The following SHISA6 variants were observed in gnomAD, a reference collection of about 807,000 sequenced individuals.
SHISA6 encodes protein shisa-6.
Under a neutral mutation model 47.9 loss-of-function variants are expected in SHISA6, and 22 were observed. The ratio of observed to expected loss-of-function variants is 0.46; its 90% CI spans 0.33 to 0.66. SHISA6 has a LOEUF of 0.66. Ranked by LOEUF, SHISA6 falls within the 30% of genes least tolerant of loss-of-function variation. The pLI is 0.02. For missense variants in SHISA6, 680 were observed against 764.6 expected (o/e 0.89, Z 1.30); for synonymous variants, 388 against 337.8 (o/e 1.15, Z -1.63).
chr17:11,503,267 GC>G (rs2071470381), intron 3 of SHISA6, among the ~76,000 whole-genome samples: 2 of 152,298 alleles, frequency 1.3e-5, no homozygotes, highest in South Asian at 4.1e-4. Flanking sequence ...TTCTTACCAT[GC>G]AGAGGTGACG....
intron 2 of SHISA6, among the ~76,000 whole-genome samples, chr17:11,307,296 A>G (rs1827666643): frequency 6.6e-6 from 1 of 152,038 alleles, no homozygotes; most frequent in Admixed American, 6.6e-5. Context: ...TGCTTACACA[A>G]CTATCTGAGT....
chr17:11,487,403 TA>T, intron 3 of SHISA6, among the ~76,000 whole-genome samples: 1 of 152,340 alleles, frequency 6.6e-6, no homozygotes, highest in Middle Eastern at 3.4e-3. Context: ...ACTTTCACAC[TA>T]GCTTGTCATA....
chr17:11,287,794 CACTT>C (rs1215208818), intron 2 of SHISA6, among the ~76,000 whole-genome samples: 2 of 132,068 alleles, frequency 1.5e-5, no homozygotes, highest in Middle Eastern at 3.8e-3. Flanking sequence ...TTGATATTCT[CACTT>C]AATAATATAT....
intron 2 of SHISA6, among the ~76,000 whole-genome samples, chr17:11,346,705 AT>A (rs1464779725): frequency 6.6e-6 from 1 of 152,140 alleles, no homozygotes; most frequent in African/African-American, 2.4e-5. Flanking sequence ...GAATAATATT[AT>A]TTTGTTATGT....
At chr17:11,285,706 G>T (rs935399916) in intron 2 of SHISA6, among the ~76,000 whole-genome samples, 2 of 152,180 alleles carry the variant, frequency 1.3e-5, no homozygotes, top group African/African-American at 2.4e-5. Context: ...AAAACCTGTG[G>T]TCAAGACACA....
At chr17:11,554,858 C>T (rs767523509) in intron 4 of SHISA6, among the ~76,000 whole-genome samples, 12 of 152,110 alleles carry the variant, frequency 7.9e-5, no homozygotes, top group Non-Finnish European at 1.3e-4. Flanking sequence ...CTCCAGATGT[C>T]ATTCATCTGG....
chr17:11,243,583 G>A (rs940676921), intron 1 of SHISA6, among the ~76,000 whole-genome samples: 11 of 152,162 alleles, frequency 7.2e-5, no homozygotes, highest in African/African-American at 2.7e-4. Flanking sequence ...GTGGGACGGT[G>A]AGCAAAATAA....
intron 3 of SHISA6, among the ~76,000 whole-genome samples, chr17:11,452,894 C>G (rs911577111): frequency 8.6e-5 from 13 of 151,366 alleles, no homozygotes; most frequent in Admixed American, 2.6e-4. Flanking sequence ...CTCCTCTCCT[C>G]CTCCTCTACT....
chr17:11,287,730 G>GGA (rs1567561491), intron 2 of SHISA6, among the ~76,000 whole-genome samples: 4 of 145,658 alleles, frequency 2.7e-5, no homozygotes, highest in East Asian at 2.0e-4. Flanking sequence ...AGGGAGGAAG[G>GGA]GGCTGGGAAG....
intron 3 of SHISA6, among the ~76,000 whole-genome samples, chr17:11,551,693 A>C (rs972087386): frequency 5.9e-5 from 9 of 152,212 alleles, no homozygotes; most frequent in African/African-American, 1.9e-4. Context: ...CCATGGTGAC[A>C]GAGGAAACCC....
At chr17:11,254,335 C>T (rs1907930132) in intron 1 of SHISA6, among the ~76,000 whole-genome samples, 1 of 152,104 alleles carries the variant, frequency 6.6e-6, no homozygotes. Context: ...CCCATTCTGC[C>T]CTCAGCACAC....
intron 2 of SHISA6, among the ~76,000 whole-genome samples, chr17:11,322,683 T>A (rs1474507562): frequency 6.6e-6 from 1 of 152,196 alleles, no homozygotes; most frequent in African/African-American, 2.4e-5. Context: ...GGGTACCAAT[T>A]CAGTATATTT....
chr17:11,300,358 C>A (rs1488479735), intron 2 of SHISA6, among the ~76,000 whole-genome samples: 1 of 152,204 alleles, frequency 6.6e-6, no homozygotes, highest in Non-Finnish European at 1.5e-5. Flanking sequence ...GGCATGCAAG[C>A]CACTGCCCTT....
chr17:11,472,281 C>T (rs761025625), intron 3 of SHISA6, among the ~76,000 whole-genome samples: 11 of 151,880 alleles, frequency 7.2e-5, no homozygotes, highest in Non-Finnish European at 1.2e-4. Flanking sequence ...ACCACGGCCT[C>T]GATCTCCAGG....
intron 2 of SHISA6, among the ~76,000 whole-genome samples, chr17:11,308,746 G>A (rs1050574493): frequency 5.3e-5 from 8 of 152,182 alleles, no homozygotes; most frequent in African/African-American, 1.9e-4. Flanking sequence ...AGTATCCACA[G>A]GGGAATCTCT....
chr17:11,301,794 C>G (rs1409567664), intron 2 of SHISA6, among the ~76,000 whole-genome samples: 1 of 152,126 alleles, frequency 6.6e-6, no homozygotes, highest in East Asian at 1.9e-4. Context: ...GGGAAACTGC[C>G]AGCTGTAGGG....
chr17:11,241,687 G>T lies in SHISA6; in HGVS notation c.265G>T (p.Val89Phe). 6.7e-7 allele frequency: 1 copy of T among 1,502,764 alleles called. No individual in the cohort carries two copies. The allele number at this position is 1,502,764 out of a possible 1,614,324, so 93.1% of individuals were successfully genotyped here. Residue 89 changes from valine (V) to phenylalanine (F), a missense_variant, in exon 1 of 6, where the codon GTC (valine) becomes TTC (phenylalanine). Val to Phe is a conservative substitution (Grantham distance 50, BLOSUM62 -1). This residue lies in a region of SHISA6 where 559 missense variants were observed against 674.1 expected (regional missense o/e 0.83). Transcript: ENST00000441885. This position sits in a 1 kb window ranked among gnomAD's most constrained non-coding sequence, Gnocchi z 5.5. ...AAVAAAASAA[V>F]TYETCWGYYD... ...TGTGGCGGCGGCGGCCAGCGCGGCC[G>T]TCACCTACGAGACGTGCTGGGGCTA...
rs113699456 is a variant in SHISA6, at chr17:11,377,999, G to A, written c.800-1415G>A. ...GGTTTGCTGTACCGGTCAACCCGTC[G>A]TCTAGGTTTTAAGCCCCACATGCAT... On this transcript the variant is annotated intron_variant, in intron 2 of 5. Coordinates refer to ENST00000441885, the MANE Select transcript of SHISA6 (RefSeq NM_207386.4). 4.8e-3 allele frequency among the ~76,000 whole-genome samples: 736 copies of A among 152,230 alleles called. 4 individuals are homozygous for A. The highest frequency in any genetic ancestry group is 0.014 in the Middle Eastern group (4 of 294).
intron 2 of SHISA6, among the ~76,000 whole-genome samples, chr17:11,327,555 G>A (rs1345551358): frequency 3.3e-5 from 5 of 152,224 alleles, no homozygotes. Context: ...CCAGCACTTT[G>A]GGAGGCCAAG....
Sources: allele counts gnomAD v4.1 joint callset (sites outside exome capture counted in the v4.1 genomes callset), GRCh38; gene constraint gnomAD v4.1.1; regional missense constraint gnomAD v4.1.1; non-coding constraint Gnocchi (gnomAD v3.1); transcripts MANE v1.5; gene names NCBI Gene and HGNC (gene_info 2026-07-23, HGNC 2026-07-21).